The following PCDHA7 variants were observed in gnomAD, a reference collection of about 807,000 sequenced individuals.
The protein encoded by PCDHA7 is protocadherin alpha 7, also known as protocadherin alpha-7.
Under a neutral mutation model 57.2 loss-of-function variants are expected in PCDHA7, and 37 were observed. The observed-to-expected ratio is 0.65, with a 90% CI of 0.50 to 0.85. PCDHA7 has a LOEUF of 0.85. PCDHA7 is among the 40% of genes least tolerant of loss of function. The pLI, the probability that PCDHA7 is intolerant of heterozygous loss-of-function variation, is 0.00. For synonymous variants in PCDHA7, 553 were observed against 558.8 expected, an observed-to-expected ratio of 0.99 and a Z score of 0.15; for missense variants, 1,188 against 1,241.8, an observed-to-expected ratio of 0.96 and a Z score of 0.65.
chr5:140,864,251 T>C (rs2048389187), intron 1 of PCDHA7: 1 of 152,248 alleles, frequency 6.6e-6, no homozygotes, highest in South Asian at 2.1e-4. Context: ...TTCATTTTCT[T>C]ATTCTGATTT....
At chr5:140,936,527 T>G (rs533687361) in intron 1 of PCDHA7, among the ~76,000 whole-genome samples, 3 of 152,368 alleles carry the variant, frequency 2.0e-5, no homozygotes, top group African/African-American at 7.2e-5. Context: ...CTGAAATTGC[T>G]TTTGAATATA....
chr5:141,001,387 C>T (rs1282982040), intron 3 of PCDHA7, among the ~76,000 whole-genome samples: 3 of 152,188 alleles, frequency 2.0e-5, no homozygotes, highest in African/African-American at 7.2e-5. Context: ...GCCTAAGATC[C>T]TACAGAGAAC....
intron 1 of PCDHA7, chr5:140,868,845 A>G (rs1242434681): frequency 6.7e-6 from 3 of 451,106 alleles, no homozygotes; most frequent in Non-Finnish European, 7.5e-6. Flanking sequence ...AACACGTGAA[A>G]TTCTGTGGTG....
intron 3 of PCDHA7, among the ~76,000 whole-genome samples, chr5:140,999,659 G>A (rs1208907437): frequency 6.6e-6 from 1 of 152,162 alleles, no homozygotes; most frequent in African/African-American, 2.4e-5. Context: ...GAGCCCTGCT[G>A]GGTTGCGGGG....
rs782444555 is a variant in PCDHA7, at chr5:140,883,708, G to C, written c.2355+46970G>C. 1.2e-6 allele frequency: 2 copies of C among 1,613,664 alleles called. No homozygotes were observed. The highest frequency in any genetic ancestry group is 1.7e-6 in the Non-Finnish European group (2 of 1,179,838). On this transcript the variant is annotated intron_variant, in intron 1 of 3. Coordinates refer to ENST00000525929, the MANE Select transcript of PCDHA7 (RefSeq NM_018910.3). ...GCCACATCTTCACGGTGTCTGCTCA[G>C]GACGCGGACGCACAGGAGAACGCGC...
chr5:140,877,306 C>G (rs1554169576), intron 1 of PCDHA7: 1 of 1,613,826 alleles, frequency 6.2e-7, no homozygotes, highest in African/African-American at 1.3e-5. Context: ...CTACGAGTTG[C>G]AACCGGCGGC....
intron 3 of PCDHA7, among the ~76,000 whole-genome samples, chr5:141,008,352 A>T (rs549122044): frequency 6.6e-6 from 1 of 152,204 alleles, no homozygotes; most frequent in Non-Finnish European, 1.5e-5. Flanking sequence ...TTCACGTGTC[A>T]ACCAAAGGAG....
rs2098422979 is a variant in PCDHA7, at chr5:141,012,116, T to C, written c.*2179T>C. The C allele has an allele frequency of 6.5e-6, 1 of 153,756 alleles. No individual in the cohort carries two copies. Among genetic ancestry groups the C allele is most frequent in the African/African-American group, 2.4e-5 (1 of 41,464 alleles). The allele number at this position is 153,756 out of a possible 1,614,324, so 9.5% of individuals were successfully genotyped here. ...GATCATTTTGCCCCACTGAAGCCCA[T>C]GTATCTGACCTTACGTGCCTTTTGA... On this transcript the variant is annotated 3_prime_UTR_variant, in exon 4 of 4. Coordinates refer to ENST00000525929, the MANE Select transcript of PCDHA7 (RefSeq NM_018910.3).
At position 141,010,023 on chromosome 5, in the gene PCDHA7, C is replaced by T. The variant is rs1196328903; in HGVS notation, c.*86C>T. Reference sequence around the variant, plus strand: ...TGTAGCAATTCCCTGCTCCTTTTTCCTATCTACATGAGCCCTCTTAGAGAC... The same window carrying T: ...TGTAGCAATTCCCTGCTCCTTTTTCTTATCTACATGAGCCCTCTTAGAGAC... On this transcript the variant is annotated 3_prime_UTR_variant, in exon 4 of 4. Transcript: ENST00000525929. 10 of 1,571,304 alleles carry T rather than the reference C, an allele frequency of 6.4e-6. No homozygotes were observed. Among genetic ancestry groups the T allele is most frequent in the Non-Finnish European group, 8.6e-6 (10 of 1,163,016 alleles).
intron 3 of PCDHA7, among the ~76,000 whole-genome samples, chr5:140,999,591 C>T (rs2153957965): frequency 1.3e-5 from 2 of 152,208 alleles, no homozygotes; most frequent in South Asian, 4.2e-4. Flanking sequence ...AATTGCCTTC[C>T]CTACATCCTG....
chr5:140,922,830 A>G (rs2081013341), intron 1 of PCDHA7, among the ~76,000 whole-genome samples: 1 of 152,264 alleles, frequency 6.6e-6, no homozygotes, highest in Admixed American at 6.5e-5. Context: ...TACTGCTAAT[A>G]GATGTCCTCA....
chr5:140,848,496 A>C, intron 1 of PCDHA7: 1 of 1,577,756 alleles, frequency 6.3e-7, no homozygotes, highest in South Asian at 1.1e-5. Context: ...AGTATTTGAA[A>C]TGTTATACTC....
chr5:140,874,545 A>G (rs1362898895), intron 1 of PCDHA7, among the ~76,000 whole-genome samples: 1 of 152,240 alleles, frequency 6.6e-6, no homozygotes, highest in Non-Finnish European at 1.5e-5. Context: ...AAAACCCTTT[A>G]AGAGATCTTT....
intron 1 of PCDHA7, chr5:140,967,384 G>A (rs1422023127): frequency 2.5e-6 from 4 of 1,609,080 alleles, no homozygotes; most frequent in Non-Finnish European, 3.4e-6. Flanking sequence ...ACAGTAAAGT[G>A]CTTGAGCTGG....
chr5:140,892,813 T>C (rs1335475161), intron 1 of PCDHA7, among the ~76,000 whole-genome samples: 1 of 152,228 alleles, frequency 6.6e-6, no homozygotes, highest in Non-Finnish European at 1.5e-5. Context: ...ACCATATTTA[T>C]CCTACAGTGC....
intron 1 of PCDHA7, among the ~76,000 whole-genome samples, chr5:140,941,214 C>CCTTCCTTTCTTTCTTTCTTTCTTT (rs1554214040): frequency 1.1e-4 from 13 of 122,412 alleles, no homozygotes; most frequent in Non-Finnish European, 1.5e-4. Flanking sequence ...TTTCTTTCTT[C>CCTTCCTTTCTTTCTTTCTTTCTTT]CTTTCTTTCT....
chr5:140,899,672 T>C (rs1280165974), intron 1 of PCDHA7, among the ~76,000 whole-genome samples: 1 of 152,218 alleles, frequency 6.6e-6, no homozygotes, highest in Non-Finnish European at 1.5e-5. Flanking sequence ...CCGGCTTTGG[T>C]ATCAGGATGA....
chr5:140,927,127 G>C (rs1202029150), intron 1 of PCDHA7: 1 of 1,613,964 alleles, frequency 6.2e-7, no homozygotes, highest in Non-Finnish European at 8.5e-7. Context: ...GGTGGTCAGA[G>C]AGCCGGCGGA....
chr5:140,845,658 T>C (rs1779972804), intron 1 of PCDHA7, among the ~76,000 whole-genome samples: 2 of 149,686 alleles, frequency 1.3e-5, no homozygotes, highest in South Asian at 4.2e-4. Context: ...CCAATTTTTG[T>C]ATGTGTAGCC....
Sources: gnomAD v4.1 joint callset for allele counts (sites outside exome capture counted in the v4.1 genomes callset) on GRCh38, gnomAD v4.1.1 for gene constraint, MANE v1.5 for transcripts, NCBI Gene and HGNC (gene_info 2026-07-23, HGNC 2026-07-21) for gene names.